The following LCOR variants were observed in gnomAD, a reference collection of about 807,000 sequenced individuals.
LCOR encodes the protein ligand-dependent corepressor.
In LCOR, 14 loss-of-function variants were observed where a neutral mutation model predicts 64.4. That is an observed-to-expected ratio of 0.22 (90% CI 0.14 to 0.34). LCOR has a LOEUF of 0.34. Among genes scored for constraint, LCOR ranks in the 10% least tolerant of loss-of-function variants. The pLI, the probability that LCOR is intolerant of heterozygous loss-of-function variation, is 1.00. For synonymous variants in LCOR, 643 were observed against 642.5 expected (o/e 1.00, Z -0.01); for missense variants, 1,686 against 1,765.3 (o/e 0.96, Z 0.80).
Position 96,991,153 on chromosome 10 carries a change from G to A in LCOR, c.*6019G>A, listed in dbSNP as rs768882728. 4 of 151,742 alleles carry A rather than the reference G, an allele frequency of 2.6e-5. No homozygotes were observed. Among genetic ancestry groups the A allele is most frequent in the Non-Finnish European group, 5.9e-5 (4 of 67,988 alleles). 9.4% of individuals were successfully genotyped at this position (151,742 alleles called of 1,614,324 possible). A position where few individuals can be genotyped will look rare whatever the true frequency, so the allele number is the denominator to read the frequency against. On this transcript the variant is annotated 3_prime_UTR_variant, in exon 8 of 8. Coordinates refer to ENST00000421806, the MANE Select transcript of LCOR (RefSeq NM_001346516.2). ...CATTAAAGATCAAATTGTGTAGACA[G>A]GCACAACTTTTTTTTTTCATATGCT... is the stretch of plus-strand genomic sequence containing the variant.
chr10:96,885,721 G>A (rs1846331782), intron 2 of LCOR, among the ~76,000 whole-genome samples: 1 of 150,896 alleles, frequency 6.6e-6, no homozygotes, highest in Admixed American at 6.6e-5. Context: ...AAGGATTTCA[G>A]TTAAGAATTT....
chr10:96,934,952 T>C (rs1407696896), intron 4 of LCOR, among the ~76,000 whole-genome samples: 1 of 152,140 alleles, frequency 6.6e-6, no homozygotes, highest in Non-Finnish European at 1.5e-5. Context: ...ACTTGTTCTT[T>C]AATAATAAAT....
intron 2 of LCOR, among the ~76,000 whole-genome samples, chr10:96,878,840 T>A (rs1846213582): frequency 6.6e-6 from 1 of 152,164 alleles, no homozygotes; most frequent in Non-Finnish European, 1.5e-5. Flanking sequence ...TGTTGCAAGC[T>A]GTAGTGCAGC....
chr10:96,912,607 T>C (rs200249484), intron 4 of LCOR, among the ~76,000 whole-genome samples: 132 of 140,366 alleles, frequency 9.4e-4, no homozygotes, highest in Middle Eastern at 3.4e-3. Flanking sequence ...TTTCTTCCTT[T>C]CTTCCTTCCT....
At chr10:96,909,168 C>G (rs546181937) in intron 4 of LCOR, among the ~76,000 whole-genome samples, 32 of 152,212 alleles carry the variant, frequency 2.1e-4, no homozygotes, top group African/African-American at 7.7e-4. Context: ...CAAGGTTAAA[C>G]TCCTCCCAAC....
intron 2 of LCOR, among the ~76,000 whole-genome samples, chr10:96,887,853 G>A (rs2134427895): frequency 6.6e-6 from 1 of 151,120 alleles, no homozygotes; most frequent in Non-Finnish European, 1.5e-5. Flanking sequence ...GCTAATTTTT[G>A]TATTTTTAGT....
At chr10:96,853,358 T>G (rs1845751776) in intron 2 of LCOR, among the ~76,000 whole-genome samples, 2 of 152,216 alleles carry the variant, frequency 1.3e-5, no homozygotes, top group South Asian at 2.1e-4. Flanking sequence ...GTTGTCACCT[T>G]TTAACATCAT....
chr10:96,912,762 T>TGAAAAAAATTTTAG (rs1342731700), intron 4 of LCOR, among the ~76,000 whole-genome samples: 48 of 152,292 alleles, frequency 3.2e-4, no homozygotes, highest in African/African-American at 1.1e-3. Flanking sequence ...AATTTTAGCA[T>TGAAAAAAATTTTAG]CCATTGATGA....
At chr10:96,855,518 T>C (rs1279309494) in intron 2 of LCOR, among the ~76,000 whole-genome samples, 1 of 152,026 alleles carries the variant, frequency 6.6e-6, no homozygotes, top group Non-Finnish European at 1.5e-5. Context: ...CATTGCAACC[T>C]CTGCCTCCCA....
chr10:96,924,893 T>C (rs10786316), intron 4 of LCOR, among the ~76,000 whole-genome samples: 9,410 of 152,168 alleles, frequency 0.062, 631 homozygotes, highest in East Asian at 0.29. Context: ...TTACCTAATA[T>C]ATGAATCTTA....
intron 2 of LCOR, among the ~76,000 whole-genome samples, chr10:96,896,271 T>C (rs573965106): frequency 4.7e-4 from 71 of 152,330 alleles, no homozygotes; most frequent in African/African-American, 1.7e-3. Flanking sequence ...CATTGACTTT[T>C]TTTATTCACA....
intron 5 of LCOR, among the ~76,000 whole-genome samples, chr10:96,946,239 T>A (rs2098538786): frequency 6.6e-6 from 1 of 152,068 alleles, no homozygotes; most frequent in Admixed American, 6.5e-5. Context: ...ATGATGGACA[T>A]TTTAGTCTGA....
chr10:96,955,437 T>G, intron 7 of LCOR: 1 of 1,614,198 alleles, frequency 6.2e-7, no homozygotes, highest in Non-Finnish European at 8.5e-7. Flanking sequence ...TGGTGATCAG[T>G]ACAGCTATAG....
chr10:96,983,185 A>G lies in LCOR; in HGVS notation c.2725A>G (p.Arg909Gly). Residue 909 changes from arginine to glycine, a missense_variant, in exon 8 of 8, where the codon AGG becomes GGG. Around this residue, in one of 3 missense-constraint regions of LCOR, gnomAD observed 1,293 missense variants for 1,410.4 expected, o/e 0.92. Transcript: ENST00000421806. This position sits in a 1 kb window ranked among gnomAD's most constrained non-coding sequence, Gnocchi z 4.5. Reference sequence around the variant, plus strand: ...GGGCGAAGGCGGGGGGATCATCACCAGGCAGACTTTGAAAAACATGCTGGA... The same window carrying G: ...GGGCGAAGGCGGGGGGATCATCACCGGGCAGACTTTGAAAAACATGCTGGA... ...QEGEGGGIIT[R>G]QTLKNMLDKE... The G allele has an allele frequency of 6.2e-7, 1 of 1,614,176 alleles. No homozygotes were observed. Among genetic ancestry groups the G allele is most frequent in the Non-Finnish European group, 8.5e-7 (1 of 1,180,046 alleles).
rs773121118 is a variant in LCOR at position 96,982,769 on chromosome 10, T to A, written c.2309T>A (p.Ile770Lys). ...ETEESEAAGG[I>K]GKLEGEDGDV... ...GAGGAAAGTGAGGCAGCAGGTGGTATAGGAAAATTAGAGGGAGAGGACGGT... is the reference window on the plus strand; with the variant it reads ...GAGGAAAGTGAGGCAGCAGGTGGTAAAGGAAAATTAGAGGGAGAGGACGGT... Residue 770 changes from isoleucine (I) to lysine (K), a missense_variant, in exon 8 of 8, where the codon ATA (isoleucine) becomes AAA (lysine). Transcript: ENST00000421806. The A allele has an allele frequency of 6.2e-7, 1 of 1,614,108 alleles. No individual in the cohort carries two copies. Among genetic ancestry groups the A allele is most frequent in the Non-Finnish European group, 8.5e-7 (1 of 1,180,018 alleles).
intron 4 of LCOR, among the ~76,000 whole-genome samples, chr10:96,913,703 C>G (rs1346294279): frequency 6.6e-6 from 1 of 152,174 alleles, no homozygotes; most frequent in African/African-American, 2.4e-5. Context: ...AGGCAGATCA[C>G]TTGGGGCCAG....
intron 4 of LCOR, among the ~76,000 whole-genome samples, chr10:96,932,439 CT>C (rs1212057442): frequency 1.3e-5 from 2 of 150,160 alleles, no homozygotes; most frequent in Non-Finnish European, 2.9e-5. Flanking sequence ...AACAAGGAAC[CT>C]TTTTTATTTT....
chr10:96,982,961 A>G lies in LCOR; in HGVS notation c.2501A>G (p.Gln834Arg), dbSNP rs1236499095. The G allele has an allele frequency of 1.9e-6, 3 of 1,613,014 alleles. No homozygotes were observed. Among genetic ancestry groups the G allele is most frequent in the Non-Finnish European group, 1.7e-6 (2 of 1,179,730 alleles). Residue 834 changes from glutamine (Q) to arginine (R), a missense_variant, in exon 8 of 8, where the codon CAG becomes CGG. By Grantham distance (43) the Gln-to-Arg change is conservative (BLOSUM62 1). This residue lies in a region of LCOR where 1,293 missense variants were observed against 1,410.4 expected (regional missense o/e 0.92). Transcript: ENST00000421806. ...TCTGCTGACAGATGCCTAAGAAATC[A>G]GAGTTCAGATTCTTCCTCAGCTTGT... ...SSSADRCLRNQSSDSSSACLE... is the reference protein window; with the variant it reads ...SSSADRCLRNRSSDSSSACLE...
rs761585724 is a variant in LCOR, at chr10:96,983,662, C to T, written c.3202C>T (p.Pro1068Ser). ...TSEKEAAQVN[P>S]IMPKENGASE... is the part of the protein sequence containing the mutation. Reference sequence around the variant, plus strand: ...AGAAAAGGAAGCTGCACAAGTAAACCCCATAATGCCAAAGGAAAATGGAGC... The same window carrying T: ...AGAAAAGGAAGCTGCACAAGTAAACTCCATAATGCCAAAGGAAAATGGAGC... The change falls in exon 8 of 8, where the codon CCC becomes TCC. Residue 1068 changes from proline to serine, a missense_variant. Transcript: ENST00000421806. This position sits in a 1 kb window ranked among gnomAD's most constrained non-coding sequence, Gnocchi z 4.5. 29 of 1,613,930 alleles carry T rather than the reference C, an allele frequency of 1.8e-5. No homozygotes were observed. The highest frequency in any genetic ancestry group is 2.4e-5 in the Non-Finnish European group (28 of 1,180,024).
Sources: allele counts gnomAD v4.1 joint callset (sites outside exome capture counted in the v4.1 genomes callset), GRCh38; gene constraint gnomAD v4.1.1; regional missense constraint gnomAD v4.1.1; non-coding constraint Gnocchi (gnomAD v3.1); transcripts MANE v1.5; gene names NCBI Gene and HGNC (gene_info 2026-07-23, HGNC 2026-07-21).